LY75: variants seen among roughly 807,000 people sequenced by gnomAD.
The protein encoded by LY75 is lymphocyte antigen 75.
Under a neutral mutation model 231.7 loss-of-function variants are expected in LY75, and 185 were observed. The observed-to-expected ratio is 0.80, with a 90% CI of 0.71 to 0.90. LY75 has a LOEUF of 0.90. Ranked by LOEUF, LY75 falls within the 40% of genes least tolerant of loss-of-function variation. The pLI is 0.00. For missense variants in LY75, 1,947 were observed against 2,050.2 expected, an observed-to-expected ratio of 0.95 and a Z score of 0.97; for synonymous variants, 668 against 689.0, an observed-to-expected ratio of 0.97 and a Z score of 0.48.
intron 23 of LY75, among the ~76,000 whole-genome samples, chr2:159,845,692 G>C (rs1022780371): frequency 6.7e-6 from 1 of 149,778 alleles, no homozygotes; most frequent in Non-Finnish European, 1.5e-5. Context: ...GGAGGATGTA[G>C]GTTAAAAAAT....
chr2:159,813,448 C>T (rs1426731769), intron 31 of LY75, among the ~76,000 whole-genome samples: 2 of 151,918 alleles, frequency 1.3e-5, no homozygotes, highest in African/African-American at 4.8e-5. Flanking sequence ...TGTATGCTCT[C>T]ACAGTTCTGG....
intron 21 of LY75, 53 bp downstream of exon 21, chr2:159,852,148 A>C (rs1684417886): frequency 6.3e-7 from 1 of 1,597,202 alleles, no homozygotes; most frequent in South Asian, 1.1e-5. Flanking sequence ...CATAGGCTAT[A>C]AAACCAGCAT....
At chr2:159,859,988 CAGT>C (rs1684657605) in intron 15 of LY75, among the ~76,000 whole-genome samples, 2 of 152,296 alleles carry the variant, frequency 1.3e-5, no homozygotes, top group Middle Eastern at 3.4e-3. Flanking sequence ...AGTCTTTACT[CAGT>C]GGTGTTGTAA....
chr2:159,811,742 G>A (rs909365256), intron 31 of LY75, among the ~76,000 whole-genome samples: 2 of 152,086 alleles, frequency 1.3e-5, no homozygotes, highest in Middle Eastern at 3.2e-3. Flanking sequence ...TCTATCTTCT[G>A]TTAGAAACCA....
At chr2:159,849,109 A>C (rs1183433339) in intron 23 of LY75, among the ~76,000 whole-genome samples, 2 of 152,162 alleles carry the variant, frequency 1.3e-5, no homozygotes, top group African/African-American at 2.4e-5. Context: ...ACCAAGTAAT[A>C]ATTTGATATT....
At chr2:159,878,577 T>G in intron 10 of LY75, 56 bp downstream of exon 10, 1 of 1,612,728 alleles carries the variant, frequency 6.2e-7, no homozygotes, top group African/African-American at 1.3e-5. Context: ...GAAGACTGTT[T>G]GGCAAAAGAA....
At position 159,805,073 on chromosome 2, in the gene LY75, CA is replaced by C; in HGVS notation, c.5139del (p.Asp1713GlufsTer14). ...TCATGGAAAGAAGGAAGCATAATCTCATCTTCATTCACTCCTTGTGCATATC... is the reference window on the plus strand; with the variant it reads ...TCATGGAAAGAAGGAAGCATAATCTCTCTTCATTCACTCCTTGTGCATATC... ...SVRYAQGVNE[D>X]EIMLPSFHD On this transcript the variant is annotated frameshift_variant, in exon 35 of 35. Transcript: ENST00000263636. LOFTEE classifies it high-confidence loss of function. The C allele has an allele frequency of 6.2e-7, 1 of 1,614,052 alleles. No individual in the cohort carries two copies. The highest frequency in any genetic ancestry group is 8.5e-7 in the Non-Finnish European group (1 of 1,179,956).
intron 9 of LY75, among the ~76,000 whole-genome samples, chr2:159,879,015 A>G (rs1267547618): frequency 2.6e-5 from 4 of 152,142 alleles, no homozygotes; most frequent in Non-Finnish European, 1.5e-5. Context: ...TTAGTGGGGG[A>G]AGTAAAGACA....
chr2:159,878,206 C>T, intron 11 of LY75, 118 bp downstream of exon 11: 1 of 1,376,844 alleles, frequency 7.3e-7, no homozygotes. Flanking sequence ...AGATAGACTC[C>T]AATCCTGAAG....
chr2:159,835,683 G>A (rs1239923500), intron 25 of LY75, 38 bp from the exon 26 acceptor site: 1 of 1,603,984 alleles, frequency 6.2e-7, no homozygotes, highest in Non-Finnish European at 8.5e-7. Flanking sequence ...TGGCAATATT[G>A]ATGTTAACCC....
At chr2:159,819,529 C>T (rs781502071) in intron 29 of LY75, among the ~76,000 whole-genome samples, 197 bp downstream of exon 29, 3 of 152,136 alleles carry the variant, frequency 2.0e-5, no homozygotes, top group Non-Finnish European at 4.4e-5. Flanking sequence ...GCTGTCTCCA[C>T]AACTACATTT....
intron 28 of LY75, among the ~76,000 whole-genome samples, chr2:159,828,201 T>G (rs925423727): frequency 8.6e-6 from 1 of 116,770 alleles, no homozygotes; most frequent in African/African-American, 2.7e-5. Flanking sequence ...AAATATAAAA[T>G]TTTATATTTT....
intron 32 of LY75, among the ~76,000 whole-genome samples, chr2:159,809,610 CT>C (rs1470799160): frequency 6.6e-6 from 1 of 151,956 alleles, no homozygotes; most frequent in Non-Finnish European, 1.5e-5. Context: ...AGTATTTTTA[CT>C]TAGCAGTTCA....
chr2:159,863,755 T>A (rs1003461529), intron 14 of LY75, among the ~76,000 whole-genome samples: 1 of 152,192 alleles, frequency 6.6e-6, no homozygotes, highest in African/African-American at 2.4e-5. Flanking sequence ...CTCCATATGC[T>A]TGTGTAGATA....
rs760650596 is a variant in LY75, at chr2:159,840,957, T to C, written c.3281-2A>G. 2 of 1,612,604 alleles carry C rather than the reference T, an allele frequency of 1.2e-6. No individual in the cohort carries two copies. Among genetic ancestry groups the C allele is most frequent in the Non-Finnish European group, 1.7e-6 (2 of 1,179,544 alleles). Reference sequence around the variant, plus strand: ...GCAACGTCTGTCTGCTTTTAACTTCTGCATGTAAAAGAAAACAACAACAAC... The same window carrying C: ...GCAACGTCTGTCTGCTTTTAACTTCCGCATGTAAAAGAAAACAACAACAAC... On this transcript the variant is annotated splice_acceptor_variant, in intron 24 of 34. Transcript: ENST00000263636. LOFTEE classifies it high-confidence loss of function.
intron 8 of LY75, among the ~76,000 whole-genome samples, chr2:159,880,599 T>C (rs1467536899): frequency 2.6e-5 from 4 of 152,236 alleles, no homozygotes; most frequent in Non-Finnish European, 5.9e-5. Flanking sequence ...AGATAGGATA[T>C]GGGTTGCTTA....
At chr2:159,808,108 C>CT (rs1163043466) in intron 33 of LY75, 22 of 985,298 alleles carry the variant, frequency 2.2e-5, no homozygotes, top group Admixed American at 6.1e-5. Flanking sequence ...CACTAGAACT[C>CT]TAAGAGAAGG....
intron 16 of LY75, among the ~76,000 whole-genome samples, chr2:159,858,104 C>T (rs10929956): frequency 0.41 from 61,745 of 152,030 alleles, 13,229 homozygotes; most frequent in South Asian, 0.67. Context: ...AAAATCTAAT[C>T]TCCCTGAATG....
At chr2:159,873,666 T>C (rs371443527) in intron 12 of LY75, among the ~76,000 whole-genome samples, 1 of 150,038 alleles carries the variant, frequency 6.7e-6, no homozygotes, top group Admixed American at 6.9e-5. Flanking sequence ...GGTTTGTTTA[T>C]GGAACTAGCT....
Sources: allele counts gnomAD v4.1 joint callset (sites outside exome capture counted in the v4.1 genomes callset), GRCh38; gene constraint gnomAD v4.1.1; transcripts MANE v1.5; gene names NCBI Gene and HGNC (gene_info 2026-07-23, HGNC 2026-07-21).